ZNF138: variants seen among roughly 807,000 people sequenced by gnomAD.
The protein encoded by ZNF138 is zinc finger protein 138 (clone pHZ-32).
In ZNF138, 33 loss-of-function variants were observed where a neutral mutation model predicts 33.0. That is an observed-to-expected ratio of 1.00 (90% CI 0.76 to 1.34). ZNF138 has a LOEUF of 1.34. ZNF138 is among the 40% of genes most tolerant of loss of function. ZNF138 has a pLI of 0.00. For missense variants in ZNF138, 360 were observed against 370.8 expected (o/e 0.97, Z 0.24); for synonymous variants, 139 against 120.4 (o/e 1.15, Z -1.01).
Position 64,831,490 on chromosome 7 carries a change from A to C in ZNF138, c.248A>C (p.Gln83Pro), listed in dbSNP as rs1302952213. The C allele has an allele frequency of 3.8e-6, 6 of 1,597,104 alleles. No individual in the cohort carries two copies. The highest frequency in any genetic ancestry group is 5.1e-6 in the Non-Finnish European group (6 of 1,174,056). ...TTTGCCCAAGACCTTTGGCTAGAGCAGAACATAAAAGATTCTTTCCAAAAA... is the reference window on the plus strand; with the variant it reads ...TTTGCCCAAGACCTTTGGCTAGAGCCGAACATAAAAGATTCTTTCCAAAAA... The part of the protein sequence containing the change: ...SRFAQDLWLE[Q>P]NIKDSFQKVT... Residue 83 changes from glutamine (Q) to proline (P), a missense_variant, in exon 4 of 4, where the codon CAG becomes CCG. Gln to Pro is a moderately conservative substitution (Grantham distance 76). Coordinates refer to ENST00000307355, the MANE Select transcript of ZNF138 (RefSeq NM_001271639.2).
downstream of ZNF138, among the ~76,000 whole-genome samples, chr7:64,838,656 C>T (rs544108047): frequency 6.6e-6 from 1 of 152,112 alleles, no homozygotes; most frequent in Non-Finnish European, 1.5e-5. Context: ...GGGGGCCCTC[C>T]GCTGCCTCAT....
At chr7:64,834,327 G>A (rs1226460617), downstream of ZNF138, among the ~76,000 whole-genome samples, 1 of 152,090 alleles carries the variant, frequency 6.6e-6, no homozygotes, top group African/African-American at 2.4e-5. Flanking sequence ...GGCTACGTAA[G>A]TATCAGAGAA....
At chr7:64,797,720 T>C (rs1406240681) in intron 1 of ZNF138, among the ~76,000 whole-genome samples, 1 of 152,186 alleles carries the variant, frequency 6.6e-6, no homozygotes, top group African/African-American at 2.4e-5. Context: ...TTGTTATTGT[T>C]TTGAGGCAGT....
the ZNF138 span, among the ~76,000 whole-genome samples, chr7:64,859,305 G>T: frequency 6.6e-6 from 1 of 151,954 alleles, no homozygotes; most frequent in African/African-American, 2.4e-5. Flanking sequence ...GTGTTTTTTG[G>T]ACTCATCTAC....
At chr7:64,808,486 A>C (rs1787796087) in intron 1 of ZNF138, among the ~76,000 whole-genome samples, 1 of 152,178 alleles carries the variant, frequency 6.6e-6, no homozygotes, top group Non-Finnish European at 1.5e-5. Context: ...TGGGCAAAAA[A>C]AGTGTACTTT....
intron 1 of ZNF138, among the ~76,000 whole-genome samples, chr7:64,799,392 AC>A (rs1367581552): frequency 6.6e-6 from 1 of 152,016 alleles, no homozygotes; most frequent in Non-Finnish European, 1.5e-5. Context: ...TGAATTCCCA[AC>A]CTCAGGTGAT....
the ZNF138 span, among the ~76,000 whole-genome samples, chr7:64,858,694 A>C: frequency 1.3e-5 from 2 of 152,090 alleles, no homozygotes; most frequent in Non-Finnish European, 1.5e-5. Flanking sequence ...TGCTTCTATT[A>C]GTTTGAATTT....
the ZNF138 span, among the ~76,000 whole-genome samples, chr7:64,847,189 T>C: frequency 2.0e-5 from 3 of 151,858 alleles, no homozygotes; most frequent in Admixed American, 2.0e-4. Flanking sequence ...TTTGCATCTG[T>C]AGGCTGGGCT....
At position 64,815,660 on chromosome 7, in the gene ZNF138, G is replaced by C. The variant is rs569905932; in HGVS notation, c.208+7G>C. 6.2e-7 allele frequency: 1 copy of C among 1,610,224 alleles called. No individual in the cohort carries two copies. Reference sequence around the variant, plus strand: ...GTGGTAGCCAAACATTCAGGTAGGTGAGAGTGAATACACAGATGGCACAGA... The same window carrying C: ...GTGGTAGCCAAACATTCAGGTAGGTCAGAGTGAATACACAGATGGCACAGA... On this transcript the variant is annotated splice_region_variant and intron_variant, in intron 3 of 3. Coordinates refer to ENST00000307355, the MANE Select transcript of ZNF138 (RefSeq NM_001271639.2).
At chr7:64,810,875 T>C (rs1219367325) in intron 1 of ZNF138, among the ~76,000 whole-genome samples, 2 of 152,206 alleles carry the variant, frequency 1.3e-5, no homozygotes, top group African/African-American at 4.8e-5. Context: ...CACGGTATTC[T>C]GAAACCTAAA....
intron 1 of ZNF138, among the ~76,000 whole-genome samples, chr7:64,814,424 A>C (rs1195332593): frequency 6.6e-6 from 1 of 152,178 alleles, no homozygotes; most frequent in Non-Finnish European, 1.5e-5. Context: ...ATCTTATGCC[A>C]CTTTCTTTTC....
At chr7:64,853,659 G>T in the ZNF138 span, among the ~76,000 whole-genome samples, 1 of 150,876 alleles carries the variant, frequency 6.6e-6, no homozygotes, top group Non-Finnish European at 1.5e-5. Context: ...AAACTCATGT[G>T]TTATAAAAGG....
chr7:64,852,703 C>T, the ZNF138 span: 58 of 1,224,094 alleles, frequency 4.7e-5, no homozygotes, highest in Non-Finnish European at 6.9e-5. Flanking sequence ...TATTCCATTT[C>T]TTAGGAATAT....
At chr7:64,852,435 C>G in the ZNF138 span, 3 of 1,573,912 alleles carry the variant, frequency 1.9e-6, no homozygotes, top group Non-Finnish European at 2.6e-6. Context: ...TTTTGAGTGG[C>G]CACTTGTGGT....
At chr7:64,850,601 T>A in the ZNF138 span, among the ~76,000 whole-genome samples, 1 of 152,236 alleles carries the variant, frequency 6.6e-6, no homozygotes, top group Non-Finnish European at 1.5e-5. Context: ...TGGTTAAGAT[T>A]GAAACGCCGT....
chr7:64,795,180 T>C (rs1441742995), intron 1 of ZNF138, among the ~76,000 whole-genome samples: 3 of 152,210 alleles, frequency 2.0e-5, no homozygotes, highest in African/African-American at 4.8e-5. Context: ...CAGAGGTTAA[T>C]TGGCAGTTTA....
rs754605276 is a variant in ZNF138 at position 64,832,122 on chromosome 7, C to G, written c.880C>G (p.Leu294Val). The G allele has an allele frequency of 2.5e-6, 4 of 1,613,032 alleles. No individual in the cohort carries two copies. In the Middle Eastern group the frequency reaches 5.0e-4, roughly 200 times the overall value. ...CAAGGTCTTTAAGCAGTCCCCAACC[C>G]TTACTAAACATCAGATAATTTATAC... Reference protein sequence around the residue: ...CGKVFKQSPTLTKHQIIYTGE... With the variant: ...CGKVFKQSPTVTKHQIIYTGE... The change falls in exon 4 of 4, where the codon CTT becomes GTT. Residue 294 changes from leucine to valine, a missense_variant. Transcript: ENST00000307355.
the ZNF138 span, among the ~76,000 whole-genome samples, chr7:64,839,611 G>A: frequency 6.6e-6 from 1 of 151,884 alleles, no homozygotes; most frequent in Non-Finnish European, 1.5e-5. Flanking sequence ...AAAAGGAGGG[G>A]TACTCACCCA....
chr7:64,852,588 G>A, the ZNF138 span: 5 of 1,542,244 alleles, frequency 3.2e-6, no homozygotes, highest in East Asian at 9.0e-5. Flanking sequence ...TGCTCACATG[G>A]TAAACAGATC....
Sources: gnomAD v4.1 joint callset for allele counts (sites outside exome capture counted in the v4.1 genomes callset) on GRCh38, gnomAD v4.1.1 for gene constraint, MANE v1.5 for transcripts, NCBI Gene and HGNC (gene_info 2026-07-23, HGNC 2026-07-21) for gene names.